The following STAU2 variants were observed in gnomAD, a reference collection of about 807,000 sequenced individuals.
STAU2 encodes the protein staufen double-stranded RNA binding protein 2, also known as double-stranded RNA-binding protein Staufen homolog 2.
Under a neutral mutation model 65.9 loss-of-function variants are expected in STAU2, and 20 were observed. The ratio of observed to expected loss-of-function variants is 0.30; its 90% CI spans 0.21 to 0.44. The LOEUF is 0.44. STAU2 is among the 20% of genes least tolerant of loss of function. The probability of loss-of-function intolerance (pLI) is 1.00; values close to 1 mark genes in which losing one functional copy is unlikely to be tolerated. For synonymous variants in STAU2, 232 were observed against 233.9 expected (o/e 0.99, Z 0.07); for missense variants, 558 against 683.9 (o/e 0.82, Z 2.05).
At chr8:73,428,591 G>A (rs1341204143) in intron 13 of STAU2, among the ~76,000 whole-genome samples, 1 of 152,150 alleles carries the variant, frequency 6.6e-6, no homozygotes, top group African/African-American at 2.4e-5. Context: ...ACGAGCTCTA[G>A]GGCTTCTCGG....
intron 13 of STAU2, among the ~76,000 whole-genome samples, chr8:73,465,898 C>G (rs1819626803): frequency 6.6e-6 from 1 of 152,228 alleles, no homozygotes; most frequent in South Asian, 2.1e-4. Flanking sequence ...TAGCTGCAAC[C>G]TCTGCCTCCT....
At chr8:73,695,994 C>T (rs2130571851) in intron 4 of STAU2, among the ~76,000 whole-genome samples, 2 of 152,350 alleles carry the variant, frequency 1.3e-5, no homozygotes, top group Middle Eastern at 6.8e-3. Context: ...GCTGTGCTGG[C>T]TTCAGGTCTG....
At chr8:73,429,364 A>G (rs1346215163) in intron 13 of STAU2, among the ~76,000 whole-genome samples, 1 of 149,210 alleles carries the variant, frequency 6.7e-6, no homozygotes, top group Non-Finnish European at 1.5e-5. Flanking sequence ...CACACAGCTA[A>G]TAAGTGGCAG....
chr8:73,614,742 T>C (rs1045249586), intron 8 of STAU2, among the ~76,000 whole-genome samples: 4 of 148,258 alleles, frequency 2.7e-5, no homozygotes, highest in African/African-American at 1.0e-4. Flanking sequence ...TCTTACTCAT[T>C]GTAGCCTTTA....
At chr8:73,448,097 A>T (rs1818574862) in intron 13 of STAU2, among the ~76,000 whole-genome samples, 1 of 152,138 alleles carries the variant, frequency 6.6e-6, no homozygotes, top group South Asian at 2.1e-4. Flanking sequence ...GGACCCTCCC[A>T]AGGAGGACCC....
At chr8:73,507,761 C>A (rs1822153053) in intron 13 of STAU2, among the ~76,000 whole-genome samples, 1 of 152,160 alleles carries the variant, frequency 6.6e-6, no homozygotes, top group Non-Finnish European at 1.5e-5. Flanking sequence ...CCACTGAAAA[C>A]CTGTTTAGTG....
chr8:73,671,416 C>T lies in STAU2; in HGVS notation c.410+1691G>A, dbSNP rs1021117796. On this transcript the variant is annotated intron_variant, in intron 6 of 14. Coordinates refer to ENST00000524300, the MANE Select transcript of STAU2 (RefSeq NM_001164380.2). Reference sequence around the variant, plus strand: ...AACAAACAAAAAAAAACAAAAAAAACACTACTTTTTAACTACCAAAGAAGA... The same window carrying T: ...AACAAACAAAAAAAAACAAAAAAAATACTACTTTTTAACTACCAAAGAAGA... Among the ~76,000 whole-genome samples, 7 of 150,972 alleles carry T rather than the reference C, an allele frequency of 4.6e-5. No homozygotes were observed. The East Asian group carries it at 1.4e-3, about 29-fold the overall frequency.
At chr8:73,716,883 C>T (rs1017754770) in intron 3 of STAU2, among the ~76,000 whole-genome samples, 18 of 152,048 alleles carry the variant, frequency 1.2e-4, no homozygotes, top group Admixed American at 9.8e-4. Flanking sequence ...GCAGGTGGAT[C>T]GTTTTAGGTC....
chr8:73,426,622 C>T (rs1353918635), intron 13 of STAU2, among the ~76,000 whole-genome samples: 2 of 152,176 alleles, frequency 1.3e-5, no homozygotes, highest in African/African-American at 4.8e-5. Flanking sequence ...ATCCACATGG[C>T]CATAAATGAC....
chr8:73,498,083 G>A (rs1821529850), intron 13 of STAU2, among the ~76,000 whole-genome samples: 1 of 151,810 alleles, frequency 6.6e-6, no homozygotes, highest in Non-Finnish European at 1.5e-5. Flanking sequence ...GTCCGTTGAA[G>A]TTAACTTTCT....
intron 1 of STAU2, among the ~76,000 whole-genome samples, chr8:73,746,409 C>G (rs1387067593): frequency 6.6e-6 from 1 of 152,054 alleles, no homozygotes; most frequent in African/African-American, 2.4e-5. Flanking sequence ...CCTAGAACCC[C>G]AGCCTCCCGC....
chr8:73,689,947 G>T, intron 4 of STAU2, among the ~76,000 whole-genome samples: 1 of 151,442 alleles, frequency 6.6e-6, no homozygotes, highest in Non-Finnish European at 1.5e-5. Context: ...CTAGATTATG[G>T]GACATTCTAT....
chr8:73,606,611 A>G (rs1382418978), intron 9 of STAU2, among the ~76,000 whole-genome samples: 2 of 152,242 alleles, frequency 1.3e-5, no homozygotes, highest in East Asian at 3.8e-4. Flanking sequence ...ATGTGAAACA[A>G]TTGGAGTTAT....
intron 4 of STAU2, among the ~76,000 whole-genome samples, chr8:73,693,431 C>T (rs931337941): frequency 9.4e-5 from 14 of 148,630 alleles, no homozygotes; most frequent in African/African-American, 1.2e-4. Flanking sequence ...GCCAAGACAG[C>T]GCCACTGCAG....
chr8:73,567,750 G>A (rs560774762), intron 12 of STAU2, among the ~76,000 whole-genome samples: 167 of 151,882 alleles, frequency 1.1e-3, no homozygotes, highest in Admixed American at 1.8e-3. Flanking sequence ...GAGTTTCACC[G>A]TGTTGGCCAG....
rs71269930 is a variant in STAU2 at position 73,655,639 on chromosome 8, C to CTTTT, written c.410+17464_410+17467dup. On this transcript the variant is annotated intron_variant, in intron 6 of 14. Transcript: ENST00000524300. ...AACAAATATTATAATTTTAATACAT[C>CTTTT]TTTTTTTTTTTTTTTTTTTTTTTTT... Among the ~76,000 whole-genome samples, 63 of 104,776 alleles carry CTTTT rather than the reference C, an allele frequency of 6.0e-4. 3 individuals carry two copies. Among genetic ancestry groups the CTTTT allele is most frequent in the Non-Finnish European group, 9.4e-4 (50 of 53,026 alleles). The allele number at this position is 104,776 out of a possible 152,430, so 68.7% of individuals were successfully genotyped here.
chr8:73,615,736 T>C lies in STAU2; in HGVS notation c.617A>G (p.Lys206Arg). The change falls in exon 8 of 15, where the codon AAG becomes AGG. Residue 206 changes from lysine (K) to arginine (R), a missense_variant. Lys to Arg is a conservative substitution (Grantham distance 26). This residue lies in a region of STAU2 where 199 missense variants were observed against 299.5 expected (regional missense o/e 0.66). Transcript: ENST00000524300. ...KDVDDDKDAN[K>R]SEISLVFEIA... The stretch of plus-strand genomic sequence containing the variant: ...TTCAAACACTAAGCTGATCTCAGAC[T>C]TATTTGCATCTTTGTCATCATCCAC... The C allele has an allele frequency of 6.2e-7, 1 of 1,613,812 alleles. No individual in the cohort carries two copies. The highest frequency in any genetic ancestry group is 1.1e-5 in the South Asian group (1 of 91,074).
At chr8:73,666,604 C>G (rs542484715) in intron 6 of STAU2, among the ~76,000 whole-genome samples, 11 of 152,172 alleles carry the variant, frequency 7.2e-5, no homozygotes, top group African/African-American at 1.2e-4. Context: ...AAGAAAATAA[C>G]TTGACCAACC....
chr8:73,679,671 C>CAGG (rs112136028), intron 5 of STAU2, among the ~76,000 whole-genome samples: 41,467 of 150,806 alleles, frequency 0.27, 6,164 homozygotes, highest in East Asian at 0.45. Flanking sequence ...CGCTTGAGCC[C>CAGG]AGTTTGAGAC....
Sources: allele counts gnomAD v4.1 joint callset (sites outside exome capture counted in the v4.1 genomes callset), GRCh38; gene constraint gnomAD v4.1.1; regional missense constraint gnomAD v4.1.1; transcripts MANE v1.5; gene names NCBI Gene and HGNC (gene_info 2026-07-23, HGNC 2026-07-21).